The following CATSPERB variants were observed in gnomAD, a reference collection of about 807,000 sequenced individuals.
CATSPERB encodes the protein cation channel sperm-associated auxiliary subunit beta.
In CATSPERB, 93 loss-of-function variants were observed where a neutral mutation model predicts 128.3. The observed-to-expected ratio is 0.72, with a 90% CI of 0.61 to 0.86. The LOEUF (loss-of-function observed/expected upper bound fraction) is 0.86, where lower values mean the gene tolerates loss of function less well. Among genes scored for constraint, CATSPERB ranks in the 40% least tolerant of loss-of-function variants. CATSPERB has a pLI of 0.00. For missense variants in CATSPERB, 1,153 were observed against 1,329.5 expected, an observed-to-expected ratio of 0.87 and a Z score of 2.06; for synonymous variants, 381 against 448.8, an observed-to-expected ratio of 0.85 and a Z score of 1.91.
At chr14:91,722,159 T>C (rs538036789) in intron 4 of CATSPERB, among the ~76,000 whole-genome samples, 1 of 152,332 alleles carries the variant, frequency 6.6e-6, no homozygotes, top group South Asian at 2.1e-4. Context: ...CATGGAGTTA[T>C]CATATGATCC....
At chr14:91,728,115 T>C (rs1460753424) in intron 2 of CATSPERB, among the ~76,000 whole-genome samples, 1 of 151,474 alleles carries the variant, frequency 6.6e-6, no homozygotes, top group Non-Finnish European at 1.5e-5. Context: ...CAAATAGAAA[T>C]TTGTTTTTGT....
chr14:91,637,060 C>CAGTGAG (rs1210390612), intron 16 of CATSPERB, among the ~76,000 whole-genome samples: 3 of 152,188 alleles, frequency 2.0e-5, no homozygotes, highest in African/African-American at 7.2e-5. Flanking sequence ...ACTCACAGAC[C>CAGTGAG]TCCCCTTGCA....
At chr14:91,695,590 G>A (rs1424100159) in intron 7 of CATSPERB, among the ~76,000 whole-genome samples, 3 of 152,204 alleles carry the variant, frequency 2.0e-5, no homozygotes, top group Non-Finnish European at 4.4e-5. Context: ...GCTACTCTCT[G>A]TGACAAACTA....
chr14:91,638,153 G>A (rs991033711), intron 16 of CATSPERB, among the ~76,000 whole-genome samples: 2 of 152,152 alleles, frequency 1.3e-5, no homozygotes, highest in African/African-American at 4.8e-5. Context: ...CAAAGGGCAG[G>A]TTTTACTAAC....
At chr14:91,620,765 T>C (rs1228092674) in intron 19 of CATSPERB, among the ~76,000 whole-genome samples, 1 of 152,138 alleles carries the variant, frequency 6.6e-6, no homozygotes, top group East Asian at 1.9e-4. Flanking sequence ...CTCAAGTCCC[T>C]AAATTGGGCC....
At chr14:91,687,602 C>T (rs941020948) in intron 10 of CATSPERB, among the ~76,000 whole-genome samples, 4 of 152,122 alleles carry the variant, frequency 2.6e-5, no homozygotes, top group African/African-American at 4.8e-5. Flanking sequence ...GTATAAGCCA[C>T]CCAGTCTATG....
At chr14:91,705,054 A>C (rs1895713082) in intron 6 of CATSPERB, among the ~76,000 whole-genome samples, 1 of 152,108 alleles carries the variant, frequency 6.6e-6, no homozygotes, top group Non-Finnish European at 1.5e-5. Context: ...TTCTGAGCCC[A>C]CTCATTTACT....
intron 15 of CATSPERB, among the ~76,000 whole-genome samples, chr14:91,649,362 T>TAG (rs1555362003): frequency 2.7e-5 from 4 of 149,690 alleles, no homozygotes; most frequent in African/African-American, 7.4e-5. Context: ...TGTGTGTGTG[T>TAG]AGAGATTGTT....
intron 11 of CATSPERB, among the ~76,000 whole-genome samples, chr14:91,682,996 T>C (rs932026941): frequency 1.3e-5 from 2 of 152,164 alleles, no homozygotes; most frequent in Non-Finnish European, 2.9e-5. Flanking sequence ...TATGCATGCA[T>C]TGGATACTCA....
Position 91,723,079 on chromosome 14 carries a change from A to AT in CATSPERB, c.278dup (p.Tyr93Ter). ...TTAAATTAAAGTGGAAGATGCCATT[A>AT]TATGTACTATTCATGATTCCCAAGC... ...APSLGIMNST[Y>*]NGIFHFNLTL... The change falls in exon 4 of 27, where the codon TAT becomes TAAT. Residue 93 changes from tyrosine to a stop codon, truncating the protein, a stop_gained and frameshift_variant. Transcript: ENST00000256343. LOFTEE classifies it high-confidence loss of function. 1.3e-6 allele frequency: 2 copies of AT among 1,531,168 alleles called. No homozygotes were observed. The highest frequency in any genetic ancestry group is 1.8e-6 in the Non-Finnish European group (2 of 1,139,400). 94.8% of individuals were successfully genotyped at this position (1,531,168 alleles called of 1,614,324 possible).
At chr14:91,633,228 C>T (rs1339951018) in intron 17 of CATSPERB, among the ~76,000 whole-genome samples, 2 of 152,126 alleles carry the variant, frequency 1.3e-5, no homozygotes, top group African/African-American at 4.8e-5. Context: ...TGTCTTATGT[C>T]AGTTTAATTC....
intron 5 of CATSPERB, among the ~76,000 whole-genome samples, chr14:91,713,359 G>A (rs763509649): frequency 3.3e-5 from 5 of 151,796 alleles, no homozygotes; most frequent in Non-Finnish European, 7.4e-5. Flanking sequence ...ATGAAATTAG[G>A]AACAGAAAAA....
chr14:91,723,892 G>C (rs1365823074), intron 3 of CATSPERB, among the ~76,000 whole-genome samples: 1 of 152,108 alleles, frequency 6.6e-6, no homozygotes, highest in Non-Finnish European at 1.5e-5. Context: ...TGGATTGGTA[G>C]AGAATGAAGG....
chr14:91,727,754 C>A (rs1282422445), intron 2 of CATSPERB, among the ~76,000 whole-genome samples: 1 of 152,194 alleles, frequency 6.6e-6, no homozygotes, highest in Non-Finnish European at 1.5e-5. Flanking sequence ...AGGAAACTAA[C>A]TCCTTTGAAT....
chr14:91,698,769 CT>C, intron 7 of CATSPERB, among the ~76,000 whole-genome samples: 1 of 152,228 alleles, frequency 6.6e-6, no homozygotes, highest in East Asian at 1.9e-4. Context: ...AATTATGTAG[CT>C]GTGAATTCTG....
intron 14 of CATSPERB, among the ~76,000 whole-genome samples, chr14:91,667,387 C>T (rs1895005230): frequency 6.6e-6 from 1 of 151,986 alleles, no homozygotes; most frequent in African/African-American, 2.4e-5. Flanking sequence ...GACAAAGAGA[C>T]AGAAAGTCAG....
intron 17 of CATSPERB, among the ~76,000 whole-genome samples, chr14:91,629,117 A>T (rs1894223080): frequency 6.6e-6 from 1 of 152,222 alleles, no homozygotes; most frequent in Non-Finnish European, 1.5e-5. Context: ...AGCAACCAAG[A>T]TGTTCTTCAG....
rs563221303 is a variant in CATSPERB at position 91,731,804 on chromosome 14, T to C, written c.-1+126A>G. The C allele has an allele frequency of 6.6e-5, 10 of 152,300 alleles. No homozygotes were observed. The South Asian group carries it at 1.5e-3, about 22-fold the overall frequency. 9.4% of individuals were successfully genotyped at this position (152,300 alleles called of 1,614,324 possible). On this transcript the variant is annotated intron_variant, in intron 1 of 26. Transcript: ENST00000256343. ...TAAATAAACATTGGGAATTGCCCCA[T>C]TGAAGGAAGCTATTTCCTCCCCCAG...
At position 91,704,631 on chromosome 14, in the gene CATSPERB, C is replaced by T. The variant is rs780027737; in HGVS notation, c.537G>A (p.Val179=). 2 of 1,613,668 alleles carry T rather than the reference C, an allele frequency of 1.2e-6. No homozygotes were observed. The highest frequency in any genetic ancestry group is 1.1e-5 in the South Asian group (1 of 91,028). Residue 179 remains valine (V), a synonymous_variant, in exon 7 of 27, where the codon GTG becomes GTA. Coordinates refer to ENST00000256343, the MANE Select transcript of CATSPERB (RefSeq NM_024764.4). Reference sequence around the variant, plus strand: ...GGCATTTTGTCACTTTGAGATCTACCACATGTGGATATAATTTACTGATTT... The same window carrying T: ...GGCATTTTGTCACTTTGAGATCTACTACATGTGGATATAATTTACTGATTT... ...ESEISKLYPH[V]VDLKVTKCPC...
Sources: allele counts gnomAD v4.1 joint callset (sites outside exome capture counted in the v4.1 genomes callset), GRCh38; gene constraint gnomAD v4.1.1; transcripts MANE v1.5; gene names NCBI Gene and HGNC (gene_info 2026-07-23, HGNC 2026-07-21).